MAPKAPK2: variants seen among roughly 807,000 people sequenced by gnomAD.
The protein encoded by MAPKAPK2 is MAPK activated protein kinase 2.
A neutral mutation model predicts 48.8 loss-of-function variants in MAPKAPK2; 9 were observed. The ratio of observed to expected loss-of-function variants is 0.18; its 90% CI spans 0.11 to 0.32. The LOEUF is 0.32. Among genes scored for constraint, MAPKAPK2 ranks in the 10% least tolerant of loss-of-function variants. MAPKAPK2 has a pLI of 1.00. For synonymous variants in MAPKAPK2, 202 were observed against 190.6 expected (o/e 1.06, Z -0.49); for missense variants, 331 against 498.3 (o/e 0.66, Z 3.20).
chr1:206,728,106 C>T (rs553507078), intron 1 of MAPKAPK2, among the ~76,000 whole-genome samples: 2 of 152,282 alleles, frequency 1.3e-5, no homozygotes, highest in South Asian at 4.1e-4. Context: ...GAAGGGGCAT[C>T]AGTGAGGTTC....
At chr1:206,705,131 C>T (rs1421068313) in intron 1 of MAPKAPK2, among the ~76,000 whole-genome samples, 4 of 152,156 alleles carry the variant, frequency 2.6e-5, no homozygotes, top group African/African-American at 9.7e-5. Context: ...TCTGGGAGAA[C>T]TGTTCAGTGA....
chr1:206,728,825 A>G lies in MAPKAPK2; in HGVS notation c.395A>G (p.Lys132Arg). 6.2e-7 allele frequency: 1 copy of G among 1,614,160 alleles called. No homozygotes were observed. The highest frequency in any genetic ancestry group is 2.2e-5 in the East Asian group (1 of 44,874). ...TACGAGAATCTGTACGCAGGGAGGAAGTGCCTGCTGATTGTCATGGAATGG... is the reference window on the plus strand; with the variant it reads ...TACGAGAATCTGTACGCAGGGAGGAGGTGCCTGCTGATTGTCATGGAATGG... ...DVYENLYAGR[K>R]CLLIVMECLD... is the part of the protein sequence containing the mutation. Residue 132 changes from lysine (K) to arginine (R), a missense_variant, in exon 2 of 10, where the codon AAG becomes AGG. Lys to Arg is a conservative substitution (Grantham distance 26). Transcript: ENST00000367103.
intron 1 of MAPKAPK2, among the ~76,000 whole-genome samples, chr1:206,693,965 C>T (rs2102377397): frequency 6.6e-6 from 1 of 152,296 alleles, no homozygotes; most frequent in Middle Eastern, 3.4e-3. Context: ...TACCTCTTGA[C>T]TGCAGTATTG....
At chr1:206,708,714 TC>T (rs1258361695) in intron 1 of MAPKAPK2, among the ~76,000 whole-genome samples, 4 of 152,234 alleles carry the variant, frequency 2.6e-5, no homozygotes, top group Non-Finnish European at 5.9e-5. Context: ...CAAACCTCTG[TC>T]AACTATAGAA....
chr1:206,712,315 G>A (rs1320274872), intron 1 of MAPKAPK2, among the ~76,000 whole-genome samples: 1 of 152,242 alleles, frequency 6.6e-6, no homozygotes, highest in Non-Finnish European at 1.5e-5. Flanking sequence ...CTGTATTACA[G>A]TGAAGGAAAC....
At chr1:206,711,628 T>A (rs868949123) in intron 1 of MAPKAPK2, among the ~76,000 whole-genome samples, 25 of 147,952 alleles carry the variant, frequency 1.7e-4, no homozygotes, top group South Asian at 4.3e-4. Flanking sequence ...TTTTTTTTTT[T>A]ATGTTTTTGA....
chr1:206,710,374 T>C (rs1553429269), intron 1 of MAPKAPK2, among the ~76,000 whole-genome samples: 1 of 152,202 alleles, frequency 6.6e-6, no homozygotes, highest in African/African-American at 2.4e-5. Flanking sequence ...AAGTGTGTAG[T>C]TGTGTTGCCT....
intron 1 of MAPKAPK2, among the ~76,000 whole-genome samples, chr1:206,720,509 C>G (rs1673480389): frequency 6.6e-6 from 1 of 152,146 alleles, no homozygotes; most frequent in African/African-American, 2.4e-5. Flanking sequence ...GTGCGTGCCA[C>G]CATGCCTGGC....
chr1:206,691,744 C>T (rs556722542), intron 1 of MAPKAPK2, among the ~76,000 whole-genome samples: 1 of 151,868 alleles, frequency 6.6e-6, no homozygotes, highest in Non-Finnish European at 1.5e-5. Flanking sequence ...GTGCTGCAGG[C>T]CAGAGGTGGA....
At chr1:206,695,890 C>G in intron 1 of MAPKAPK2, 1 of 592,376 alleles carries the variant, frequency 1.7e-6, no homozygotes, top group Admixed American at 2.8e-5. Flanking sequence ...GGAGTGACGT[C>G]CTCAATCTGT....
intron 1 of MAPKAPK2, among the ~76,000 whole-genome samples, chr1:206,722,471 A>T (rs1553431344): frequency 1.1e-4 from 16 of 152,266 alleles, no homozygotes; most frequent in Non-Finnish European, 1.5e-5. Flanking sequence ...TACTGATTAC[A>T]TAGTTGATTA....
chr1:206,722,599 G>A (rs1553431362), intron 1 of MAPKAPK2, among the ~76,000 whole-genome samples: 2 of 152,212 alleles, frequency 1.3e-5, no homozygotes, highest in African/African-American at 4.8e-5. Context: ...AGGAGGAAGA[G>A]GAAGGGTTGG....
chr1:206,723,311 A>G (rs1022283923), intron 1 of MAPKAPK2, among the ~76,000 whole-genome samples: 1 of 152,144 alleles, frequency 6.6e-6, no homozygotes, highest in African/African-American at 2.4e-5. Context: ...GGGAGTGGGG[A>G]GCAGAATAAT....
intron 1 of MAPKAPK2, among the ~76,000 whole-genome samples, chr1:206,724,571 A>C (rs1673646804): frequency 7.1e-6 from 1 of 141,248 alleles, no homozygotes; most frequent in Admixed American, 7.1e-5. Context: ...TTTTTTGTTA[A>C]ATTTAATTTA....
rs1553432613 is a variant in MAPKAPK2 at position 206,731,243 on chromosome 1, G to T, written c.873G>T (p.Trp291Cys). 6.2e-7 allele frequency: 1 copy of T among 1,614,188 alleles called. No homozygotes were observed. The change falls in exon 7 of 10, where the codon TGG becomes TGT. Residue 291 changes from tryptophan to cysteine, a missense_variant. By Grantham distance (215) the Trp-to-Cys change is radical. Around this residue, in one of 4 missense-constraint regions of MAPKAPK2, gnomAD observed 124 missense variants for 194.6 expected, o/e 0.64. Coordinates refer to ENST00000367103, the MANE Select transcript of MAPKAPK2 (RefSeq NM_032960.4). The surrounding 1 kb of genome is among the most constrained non-coding windows in gnomAD (Gnocchi z 5.9). Reference protein sequence around the residue: ...MGQYEFPNPEWSEVSEEVKML... With the variant: ...MGQYEFPNPECSEVSEEVKML... ...AGTATGAATTTCCCAACCCAGAATG[G>T]TCAGAAGTATCAGAGGAAGGTAAGA...
At chr1:206,721,872 C>T (rs148577072) in intron 1 of MAPKAPK2, among the ~76,000 whole-genome samples, 536 of 152,228 alleles carry the variant, frequency 3.5e-3, no homozygotes, top group African/African-American at 0.013. Flanking sequence ...TTGAGACCAG[C>T]GTGACCAACA....
In MAPKAPK2 at chr1:206,728,760, G is replaced by A. The variant is rs782682519; in HGVS notation, c.330G>A (p.Arg110=). 45 of 1,613,820 alleles carry A rather than the reference G, an allele frequency of 2.8e-5. No homozygotes were observed. In the South Asian group the frequency reaches 3.3e-4, roughly 12 times the overall value. The stretch of plus-strand genomic sequence containing the variant: ...GCAGGGAGGTGGAGCTGCACTGGCG[G>A]GCCTCCCAGTGCCCGCACATCGTAC... The part of the protein sequence containing the change: ...KARREVELHW[R]ASQCPHIVRI... The change falls in exon 2 of 10, where the codon CGG becomes CGA. Residue 110 remains arginine, a synonymous_variant. Coordinates refer to ENST00000367103, the MANE Select transcript of MAPKAPK2 (RefSeq NM_032960.4).
chr1:206,731,056 C>G lies in MAPKAPK2; in HGVS notation c.768-82C>G, dbSNP rs962864236. 5.2e-6 allele frequency: 8 copies of G among 1,551,534 alleles called. No individual in the cohort carries two copies. The highest frequency in any genetic ancestry group is 6.2e-6 in the Non-Finnish European group (7 of 1,124,038). ...TCTGTGACCTTTACAAGGAGAAGAG[C>G]CTGTTTCTCATCCTGTTCCTGGTAC... On this transcript the variant is annotated intron_variant, in intron 6 of 9. Transcript: ENST00000367103. The surrounding 1 kb of genome is among the most constrained non-coding windows in gnomAD (Gnocchi z 5.9).
Position 206,731,771 on chromosome 1 carries a change from C to T in MAPKAPK2, c.978+46C>T. The T allele has an allele frequency of 1.9e-6, 3 of 1,611,200 alleles. No homozygotes were observed. The stretch of plus-strand genomic sequence containing the variant: ...AGCCTTGGGTCTCACGGGACTATTC[C>T]ACAGGACAGAGTCTTAGCCAGGACC... On this transcript the variant is annotated intron_variant, in intron 8 of 9. Coordinates refer to ENST00000367103, the MANE Select transcript of MAPKAPK2 (RefSeq NM_032960.4). This position sits in a 1 kb window ranked among gnomAD's most constrained non-coding sequence, Gnocchi z 5.9.
Sources: gnomAD v4.1 joint callset for allele counts (sites outside exome capture counted in the v4.1 genomes callset) on GRCh38, gnomAD v4.1.1 for gene constraint, gnomAD v4.1.1 regional missense constraint, Gnocchi (gnomAD v3.1) non-coding constraint, MANE v1.5 for transcripts, NCBI Gene and HGNC (gene_info 2026-07-23, HGNC 2026-07-21) for gene names.